Variants in NFKB1 observed in about 807,000 individuals in gnomAD.
The protein encoded by NFKB1 is nuclear factor NF-kappa-B p105 subunit.
NFKB1 carries 9 observed loss-of-function variants against 105.1 expected under a neutral mutation model. That is an observed-to-expected ratio of 0.09 (90% CI 0.05 to 0.15). The LOEUF (loss-of-function observed/expected upper bound fraction) is 0.15, where lower values mean the gene tolerates loss of function less well. NFKB1 is among the 10% of genes least tolerant of loss of function. The pLI is 1.00. For synonymous variants in NFKB1, 440 were observed against 442.2 expected (o/e 1.00, Z 0.06); for missense variants, 830 against 1,203.7 (o/e 0.69, Z 4.59).
At chr4:102,602,593 C>T (rs772321920) in intron 16 of NFKB1, among the ~76,000 whole-genome samples, 4 of 149,660 alleles carry the variant, frequency 2.7e-5, no homozygotes, top group East Asian at 2.0e-4. Flanking sequence ...ACTACTAAAA[C>T]GTTTACATGT....
At chr4:102,557,707 G>A (rs1184824792) in intron 5 of NFKB1, among the ~76,000 whole-genome samples, 2 of 152,196 alleles carry the variant, frequency 1.3e-5, no homozygotes, top group Non-Finnish European at 2.9e-5. Context: ...ATCAGTACAA[G>A]AGAGAATGCC....
At chr4:102,615,731 C>T (rs750151962) in intron 23 of NFKB1, among the ~76,000 whole-genome samples, 1 of 152,118 alleles carries the variant, frequency 6.6e-6, no homozygotes, top group Non-Finnish European at 1.5e-5. Flanking sequence ...CAGTCAATAC[C>T]AAAATGATAG....
Position 102,610,648 on chromosome 4 carries a change from T to C in NFKB1, c.2301T>C (p.Asp767=). The change falls in exon 20 of 24, where the codon GAT becomes GAC. Residue 767 remains aspartate, a synonymous_variant. Coordinates refer to ENST00000226574, the MANE Select transcript of NFKB1 (RefSeq NM_003998.4). ...LDDSWENAGE[D]EGVVPGTTPL... ...ACTCTTGGGAAAATGCAGGAGAGGA[T>C]GAAGGAGTTGTGCCTGGAACCACGC... is the stretch of plus-strand genomic sequence containing the variant. The C allele has an allele frequency of 6.2e-7, 1 of 1,614,004 alleles. No homozygotes were observed. Among genetic ancestry groups the C allele is most frequent in the Non-Finnish European group, 8.5e-7 (1 of 1,179,946 alleles).
rs4648069 is a variant in NFKB1, at chr4:102,597,322, C to A, written c.1496-198C>A. Among the ~76,000 whole-genome samples, 6,177 of 152,266 alleles carry A rather than the reference C, an allele frequency of 0.041. 241 individuals are homozygous for A. Among genetic ancestry groups the A allele is most frequent in the African/African-American group, 0.1 (4,286 of 41,514 alleles). ...CAGATTCTTTAAGATCAATCTCTAA[C>A]TATATTTGTCAGTGACCCAGTGTCC... is the stretch of plus-strand genomic sequence containing the variant. On this transcript the variant is annotated intron_variant, in intron 14 of 23. Transcript: ENST00000226574.
intron 23 of NFKB1, 59 bp from the exon 24 acceptor site, chr4:102,616,375 T>A: frequency 6.3e-7 from 1 of 1,586,534 alleles, no homozygotes; most frequent in South Asian, 1.1e-5. Flanking sequence ...CACAGAATAG[T>A]CCATGAGCTT....
intron 9 of NFKB1, 83 bp downstream of exon 9, chr4:102,580,722 C>A: frequency 1.9e-6 from 2 of 1,073,270 alleles, no homozygotes; most frequent in Non-Finnish European, 2.8e-6. Flanking sequence ...AGTCACATTT[C>A]AGCAGTGGAC....
chr4:102,573,104 T>G (rs1724521529), intron 6 of NFKB1, among the ~76,000 whole-genome samples: 1 of 151,420 alleles, frequency 6.6e-6, no homozygotes, highest in Non-Finnish European at 1.5e-5. Flanking sequence ...AGGTCAGGAG[T>G]TCAAGACCAA....
intron 5 of NFKB1, among the ~76,000 whole-genome samples, chr4:102,545,896 G>A (rs1722100215): frequency 6.6e-6 from 1 of 152,142 alleles, no homozygotes; most frequent in Non-Finnish European, 1.5e-5. Flanking sequence ...ATGCCACTGT[G>A]TTTTAAAAAG....
At chr4:102,585,626 T>C (rs1725648601) in intron 11 of NFKB1, among the ~76,000 whole-genome samples, 1 of 152,182 alleles carries the variant, frequency 6.6e-6, no homozygotes, top group Non-Finnish European at 1.5e-5. Flanking sequence ...CATAGGTTTC[T>C]TAAATAGTTA....
intron 1 of NFKB1, among the ~76,000 whole-genome samples, chr4:102,510,711 C>T (rs186071668): frequency 4.3e-4 from 66 of 152,262 alleles, no homozygotes; most frequent in Non-Finnish European, 5.7e-4. Context: ...CTCTCGCATT[C>T]ATATTTCTCC....
chr4:102,514,227 G>C (rs1739976871), intron 1 of NFKB1, among the ~76,000 whole-genome samples: 2 of 151,886 alleles, frequency 1.3e-5, no homozygotes, highest in South Asian at 4.2e-4. Context: ...AAATCATTCA[G>C]TGGGGTGTTG....
chr4:102,548,790 T>C (rs774721521), intron 5 of NFKB1, among the ~76,000 whole-genome samples: 4 of 152,148 alleles, frequency 2.6e-5, no homozygotes, highest in Non-Finnish European at 5.9e-5. Flanking sequence ...CATCTTCACA[T>C]GAATACTGTC....
intron 19 of NFKB1, among the ~76,000 whole-genome samples, chr4:102,610,163 G>T (rs1728259411): frequency 6.6e-6 from 1 of 152,188 alleles, no homozygotes; most frequent in African/African-American, 2.4e-5. Context: ...AAGAAAAGGG[G>T]CTGAGAAATA....
intron 5 of NFKB1, among the ~76,000 whole-genome samples, chr4:102,554,846 A>G (rs1284120175): frequency 6.6e-6 from 1 of 152,172 alleles, no homozygotes; most frequent in Non-Finnish European, 1.5e-5. Flanking sequence ...CCAAGCCCCC[A>G]CACAATAGGA....
At chr4:102,553,418 A>G (rs546163129) in intron 5 of NFKB1, among the ~76,000 whole-genome samples, 3 of 152,294 alleles carry the variant, frequency 2.0e-5, no homozygotes, top group South Asian at 4.1e-4. Flanking sequence ...ATTTTAAATT[A>G]AATTTGAGTC....
chr4:102,576,845 G>A (rs1002964548), intron 6 of NFKB1, 31 bp from the exon 7 acceptor site: 1 of 1,578,706 alleles, frequency 6.3e-7, no homozygotes, highest in Non-Finnish European at 8.6e-7. Context: ...TTTGGTTGTT[G>A]TTGCTGCTGC....
chr4:102,598,157 G>T (rs143927614), intron 15 of NFKB1, among the ~76,000 whole-genome samples: 322 of 152,332 alleles, frequency 2.1e-3, no homozygotes, highest in African/African-American at 7.3e-3. Flanking sequence ...ATGGTCATCA[G>T]TCTATGACTG....
chr4:102,572,749 G>C (rs888779909), intron 6 of NFKB1, among the ~76,000 whole-genome samples: 3 of 152,132 alleles, frequency 2.0e-5, no homozygotes, highest in Admixed American at 1.3e-4. Flanking sequence ...CTCTTGAAAA[G>C]TATCTAAAAC....
At chr4:102,502,285 G>C (rs549731291) in intron 1 of NFKB1, 1 of 151,856 alleles carries the variant, frequency 6.6e-6, no homozygotes, top group African/African-American at 2.4e-5. Flanking sequence ...CCCCAGAATT[G>C]AATAGGAGAG....
Sources: allele counts gnomAD v4.1 joint callset (sites outside exome capture counted in the v4.1 genomes callset), GRCh38; gene constraint gnomAD v4.1.1; transcripts MANE v1.5; gene names NCBI Gene and HGNC (gene_info 2026-07-23, HGNC 2026-07-21).